MRPS12: variants seen among roughly 807,000 people sequenced by gnomAD.
MRPS12 encodes the protein small ribosomal subunit protein uS12m.
MRPS12 carries 7 observed loss-of-function variants against 8.4 expected under a neutral mutation model. That is an observed-to-expected ratio of 0.83 (90% confidence interval 0.47 to 1.56). MRPS12 has a LOEUF of 1.56. MRPS12 is among the 40% of genes most tolerant of loss of function. MRPS12 has a pLI of 0.01. For synonymous variants in MRPS12, 84 were observed against 84.1 expected (o/e 1.00, Z 0.01); for missense variants, 200 against 194.1 (o/e 1.03, Z -0.18).
At position 38,932,477 on chromosome 19, in the gene MRPS12, C is replaced by CT; in HGVS notation, c.194_195insT (p.Phe66ValfsTer152). 1 of 1,613,270 alleles carries CT rather than the reference C, an allele frequency of 6.2e-7. No individual in the cohort carries two copies. The highest frequency in any genetic ancestry group is 8.5e-7 in the Non-Finnish European group (1 of 1,179,586). On this transcript the variant is annotated frameshift_variant, in exon 3 of 3. Coordinates refer to ENST00000308018, the MANE Select transcript of MRPS12 (RefSeq NM_033362.4). LOFTEE classifies it high-confidence loss of function. Reference sequence around the variant, plus strand: ...CAGCTGAAGGGTGTGGTCCTGTGCACGTTTACCCGCAAGCCGAAGAAGCCC... The same window carrying CT: ...CAGCTGAAGGGTGTGGTCCTGTGCACTGTTTACCCGCAAGCCGAAGAAGCCC...
Position 38,931,300 on chromosome 19 carries a change from C to T in MRPS12, c.6C>T (p.Ser2=), listed in dbSNP as rs1222870248. The change falls in exon 2 of 3, where the codon TCC becomes TCT. Residue 2 remains serine (S), a synonymous_variant. Transcript: ENST00000308018. M[S]WSGLLHGLNT... Reference sequence around the variant, plus strand: ...GGGACGGCCCAGGTGGCAGGATGTCCTGGTCTGGCCTTCTCCATGGCCTCA... The same window carrying T: ...GGGACGGCCCAGGTGGCAGGATGTCTTGGTCTGGCCTTCTCCATGGCCTCA... The T allele has an allele frequency of 1.9e-6, 3 of 1,604,860 alleles. No homozygotes were observed. Among genetic ancestry groups the T allele is most frequent in the African/African-American group, 1.3e-5 (1 of 74,220 alleles).
intron 2 of MRPS12, 130 bp downstream of exon 2, chr19:38,931,473 T>TTTGGC: frequency 1.2e-6 from 1 of 844,780 alleles, no homozygotes; most frequent in East Asian, 2.9e-5. Context: ...TTGGCAGAGC[T>TTTGGC]AGGGCTGCTA....
chr19:38,932,173 C>T (rs538466686), intron 2 of MRPS12, among the ~76,000 whole-genome samples, 160 bp from the exon 3 acceptor site: 7 of 151,620 alleles, frequency 4.6e-5, no homozygotes, highest in East Asian at 1.9e-4. Flanking sequence ...GGTAATGCTT[C>T]CTTGAAGAAT....
rs372770805 is a variant in MRPS12, at chr19:38,932,745, C to T, written c.*45C>T. 3 of 1,586,094 alleles carry T rather than the reference C, an allele frequency of 1.9e-6. No homozygotes were observed. Among genetic ancestry groups the T allele is most frequent in the African/African-American group, 2.7e-5 (2 of 74,546 alleles). On this transcript the variant is annotated 3_prime_UTR_variant, in exon 3 of 3. Transcript: ENST00000308018. ...CTGGGCGCCCCTGCAGAACATGAAC[C>T]TTCCGCTCCTGGCTGCCACAGGGTC...
chr19:38,932,183 T>G, intron 2 of MRPS12, 150 bp from the exon 3 acceptor site: 2 of 572,392 alleles, frequency 3.5e-6, no homozygotes, highest in Non-Finnish European at 5.4e-6. Flanking sequence ...CCTTGAAGAA[T>G]AAAGAGTTAC....
chr19:38,932,036 T>C (rs1448294544), intron 2 of MRPS12, among the ~76,000 whole-genome samples: 1 of 149,190 alleles, frequency 6.7e-6, no homozygotes, highest in Non-Finnish European at 1.5e-5. Flanking sequence ...CTCAGGAGGC[T>C]GAGACAGGAG....
At chr19:38,931,726 G>T (rs991661908) in intron 2 of MRPS12, 6 of 174,466 alleles carry the variant, frequency 3.4e-5, no homozygotes, top group Non-Finnish European at 7.3e-5. Flanking sequence ...ATTCTTTGTA[G>T]AGAGGGAGGT....
rs771785475 is a variant in MRPS12, at chr19:38,931,289, G to A, written c.-6G>A. 3 of 1,604,136 alleles carry A rather than the reference G, an allele frequency of 1.9e-6. No homozygotes were observed. The South Asian group carries it at 3.3e-5, about 18-fold the overall frequency. On this transcript the variant is annotated 5_prime_UTR_variant, in exon 2 of 3. Coordinates refer to ENST00000308018, the MANE Select transcript of MRPS12 (RefSeq NM_033362.4). ...CCCCTACCACAGGGACGGCCCAGGTGGCAGGATGTCCTGGTCTGGCCTTCT... is the reference window on the plus strand; with the variant it reads ...CCCCTACCACAGGGACGGCCCAGGTAGCAGGATGTCCTGGTCTGGCCTTCT...
Position 38,932,466 on chromosome 19 carries a change from G to T in MRPS12, c.183G>T (p.Val61=). 6.2e-7 allele frequency: 1 copy of T among 1,613,374 alleles called. No homozygotes were observed. Among genetic ancestry groups the T allele is most frequent in the Non-Finnish European group, 8.5e-7 (1 of 1,179,698 alleles). The change falls in exon 3 of 3, where the codon GTG becomes GTT. Residue 61 remains valine (V), a synonymous_variant. Transcript: ENST00000308018. ...PTEGRPQLKG[V]VLCTFTRKPK... Reference sequence around the variant, plus strand: ...AAGGCCGGCCGCAGCTGAAGGGTGTGGTCCTGTGCACGTTTACCCGCAAGC... The same window carrying T: ...AAGGCCGGCCGCAGCTGAAGGGTGTTGTCCTGTGCACGTTTACCCGCAAGC...
chr19:38,932,000 G>T (rs1026519462), intron 2 of MRPS12: 16 of 211,208 alleles, frequency 7.6e-5, no homozygotes, highest in African/African-American at 3.2e-4. Context: ...GCCGAGCGTG[G>T]TGGTGGGTGC....
At chr19:38,931,026 T>A (rs1214646323) in intron 1 of MRPS12, 28 bp downstream of exon 1, 3 of 594,522 alleles carry the variant, frequency 5.0e-6, no homozygotes, top group Non-Finnish European at 9.0e-6. Flanking sequence ...GTCCTCCAAA[T>A]CTACCAGGCC....
rs756649831 is a variant in MRPS12 at position 38,932,729 on chromosome 19, C to A, written c.*29C>A. 4 of 1,604,694 alleles carry A rather than the reference C, an allele frequency of 2.5e-6. No homozygotes were observed. In the East Asian group the frequency reaches 6.7e-5, roughly 27 times the overall value. On this transcript the variant is annotated 3_prime_UTR_variant, in exon 3 of 3. Transcript: ENST00000308018. ...CTGGGGGCACAGTGGGCTGGGCGCC[C>A]CTGCAGAACATGAACCTTCCGCTCC...
In MRPS12 at chr19:38,932,382, G is replaced by C; in HGVS notation, c.99G>C (p.Leu33=). Residue 33 remains leucine, a synonymous_variant, in exon 3 of 3, where the codon CTG becomes CTC. Transcript: ENST00000308018. ...RLWATCSMAT[L]NQMHRLGPPK... Reference sequence around the variant, plus strand: ...GGGCTACCTGCTCCATGGCTACCCTGAACCAGATGCACCGCCTGGGGCCCC... The same window carrying C: ...GGGCTACCTGCTCCATGGCTACCCTCAACCAGATGCACCGCCTGGGGCCCC... The C allele has an allele frequency of 1.3e-6, 2 of 1,593,446 alleles. No individual in the cohort carries two copies. Among genetic ancestry groups the C allele is most frequent in the East Asian group, 2.2e-5 (1 of 44,632 alleles).
chr19:38,932,805 C>T lies in MRPS12; in HGVS notation c.*105C>T. 1 of 1,458,826 alleles carries T rather than the reference C, an allele frequency of 6.9e-7. No homozygotes were observed. Among genetic ancestry groups the T allele is most frequent in the African/African-American group, 1.4e-5 (1 of 71,526 alleles). The allele number at this position is 1,458,826 out of a possible 1,614,324, so 90.4% of individuals were successfully genotyped here. A position where few individuals can be genotyped will look rare whatever the true frequency, so the allele number is the denominator to read the frequency against. On this transcript the variant is annotated 3_prime_UTR_variant, in exon 3 of 3. Transcript: ENST00000308018. ...TGGCCTTTGCGCCTCTAGAGGCAGCCACTCATGGATTCAAGTCCTGGCTCC... is the reference window on the plus strand; with the variant it reads ...TGGCCTTTGCGCCTCTAGAGGCAGCTACTCATGGATTCAAGTCCTGGCTCC...
At position 38,932,249 on chromosome 19, in the gene MRPS12, A is replaced by C. The variant is rs1974766802; in HGVS notation, c.50-84A>C. 8.5e-6 allele frequency: 12 copies of C among 1,416,394 alleles called. No individual in the cohort carries two copies. In the South Asian group the frequency reaches 1.6e-4, roughly 19 times the overall value. The allele number at this position is 1,416,394 out of a possible 1,614,324, so 87.7% of individuals were successfully genotyped here. A position where few individuals can be genotyped will look rare whatever the true frequency, so the allele number is the denominator to read the frequency against. On this transcript the variant is annotated intron_variant, in intron 2 of 2. Coordinates refer to ENST00000308018, the MANE Select transcript of MRPS12 (RefSeq NM_033362.4). Reference sequence around the variant, plus strand: ...AAATGCATCTTTGTAAAGTGCTTTAAACAATGCCTAAAACACCAAAATTGA... The same window carrying C: ...AAATGCATCTTTGTAAAGTGCTTTACACAATGCCTAAAACACCAAAATTGA...
Position 38,932,854 on chromosome 19 carries a change from T to A in MRPS12, c.*154T>A. On this transcript the variant is annotated 3_prime_UTR_variant, in exon 3 of 3. Transcript: ENST00000308018. ...CCGCCTCTTCCATCAGGACCACTAT[T>A]AAGCCATAGGAGTCCTGGGGGTGCA... is the stretch of plus-strand genomic sequence containing the variant. The A allele has an allele frequency of 2.7e-6, 3 of 1,103,400 alleles. No homozygotes were observed. The highest frequency in any genetic ancestry group is 2.5e-6 in the Non-Finnish European group (2 of 789,850). The allele number at this position is 1,103,400 out of a possible 1,614,324, so 68.4% of individuals were successfully genotyped here.
At chr19:38,931,128 ACTTT>A (rs1166776641) in intron 1 of MRPS12, 130 bp downstream of exon 1, 43 of 717,076 alleles carry the variant, frequency 6.0e-5, no homozygotes, top group Non-Finnish European at 9.6e-5. Context: ...TTACGGAGGG[ACTTT>A]CTGTTAGCAG....
At position 38,930,988 on chromosome 19, in the gene MRPS12, G is replaced by C. The variant is rs1454559722; in HGVS notation, c.-30G>C. 1 of 599,322 alleles carries C rather than the reference G, an allele frequency of 1.7e-6. No individual in the cohort carries two copies. Among genetic ancestry groups the C allele is most frequent in the African/African-American group, 1.9e-5 (1 of 53,808 alleles). The allele number at this position is 599,322 out of a possible 1,614,324, so 37.1% of individuals were successfully genotyped here. On this transcript the variant is annotated 5_prime_UTR_variant, in exon 1 of 3. Transcript: ENST00000308018. ...CAGCGTGTCCGCGACCTCACCTTTA[G>C]GTCCTGTGAGGTCGGTGGAATCCTG... is the stretch of plus-strand genomic sequence containing the variant.
In MRPS12 at chr19:38,931,256, T is replaced by A. The variant is rs1974742645; in HGVS notation, c.-19-20T>A. ...CGGTCACTTTTTCCTCCTTTCTGAGTCTCTTATCCCCTACCACAGGGACGG... is the reference window on the plus strand; with the variant it reads ...CGGTCACTTTTTCCTCCTTTCTGAGACTCTTATCCCCTACCACAGGGACGG... On this transcript the variant is annotated intron_variant, in intron 1 of 2. Transcript: ENST00000308018. The A allele has an allele frequency of 6.4e-7, 1 of 1,553,400 alleles. No homozygotes were observed. Among genetic ancestry groups the A allele is most frequent in the Non-Finnish European group, 8.7e-7 (1 of 1,153,422 alleles).
Sources: gnomAD v4.1 joint callset for allele counts (sites outside exome capture counted in the v4.1 genomes callset) on GRCh38, gnomAD v4.1.1 for gene constraint, MANE v1.5 for transcripts, NCBI Gene and HGNC (gene_info 2026-07-23, HGNC 2026-07-21) for gene names.